Variants in MIB1 observed in about 807,000 individuals in gnomAD.
MIB1 encodes MIB E3 ubiquitin protein ligase 1.
Under a neutral mutation model 124.5 loss-of-function variants are expected in MIB1, and 278 were observed. That is an observed-to-expected ratio of 2.23 (90% CI 2.02 to 2.47). The LOEUF (loss-of-function observed/expected upper bound fraction) is 2.47, where lower values mean the gene tolerates loss of function less well. Among genes scored for constraint, MIB1 ranks in the 30% most tolerant of loss-of-function variants. The pLI is 0.00. For missense variants in MIB1, 957 were observed against 1,254.4 expected, an observed-to-expected ratio of 0.76 and a Z score of 3.58; for synonymous variants, 446 against 429.4, an observed-to-expected ratio of 1.04 and a Z score of -0.48.
In MIB1 at chr18:21,791,484, A is replaced by G. The variant is rs1306325334; in HGVS notation, c.1019A>G (p.Gln340Arg). The G allele has an allele frequency of 3.1e-6, 5 of 1,614,008 alleles. No individual in the cohort carries two copies. The highest frequency in any genetic ancestry group is 2.7e-5 in the African/African-American group (2 of 74,920). ...TSQFQVGDLV[Q>R]VCYDLERIKL... ...CAGTTTCAAGTGGGTGATCTTGTACAAGTTTGTTATGACCTGGAACGAATT... is the reference window on the plus strand; with the variant it reads ...CAGTTTCAAGTGGGTGATCTTGTACGAGTTTGTTATGACCTGGAACGAATT... Residue 340 changes from glutamine (Q) to arginine (R), a missense_variant, in exon 7 of 21, where the codon CAA (glutamine) becomes CGA (arginine). By Grantham distance (43) the Gln-to-Arg change is conservative (BLOSUM62 1). Transcript: ENST00000261537.
chr18:21,817,274 G>A (rs983414419), intron 11 of MIB1, among the ~76,000 whole-genome samples: 3 of 140,548 alleles, frequency 2.1e-5, no homozygotes, highest in Non-Finnish European at 3.0e-5. Context: ...TCAGCCTCCC[G>A]AGTAGCTGGG....
At chr18:21,837,216 G>C (rs2057998533) in intron 12 of MIB1, among the ~76,000 whole-genome samples, 1 of 152,134 alleles carries the variant, frequency 6.6e-6, no homozygotes, top group African/African-American at 2.4e-5. Flanking sequence ...TGTTTAAAAA[G>C]TCTAATAAAA....
intron 17 of MIB1, among the ~76,000 whole-genome samples, chr18:21,849,699 G>T (rs939546275): frequency 1.3e-5 from 2 of 152,014 alleles, no homozygotes; most frequent in Non-Finnish European, 2.9e-5. Context: ...GTATGGTAAA[G>T]TTAAAATTAT....
chr18:21,870,734 A>G lies in MIB1; in HGVS notation c.*6068A>G, dbSNP rs1206082576. The G allele has an allele frequency of 6.6e-6, 1 of 152,158 alleles. No individual in the cohort carries two copies. Among genetic ancestry groups the G allele is most frequent in the East Asian group, 1.9e-4 (1 of 5,204 alleles). The allele number at this position is 152,158 out of a possible 1,614,324, so 9.4% of individuals were successfully genotyped here. A position where few individuals can be genotyped will look rare whatever the true frequency, so the allele number is the denominator to read the frequency against. ...TCATCTAGCTCCAGTTCAAAAGATT[A>G]TGTATATCTGATGTTTAAGAGGAAA... On this transcript the variant is annotated 3_prime_UTR_variant, in exon 21 of 21. Coordinates refer to ENST00000261537, the MANE Select transcript of MIB1 (RefSeq NM_020774.4).
At chr18:21,845,346 A>T (rs1014694340) in intron 15 of MIB1, among the ~76,000 whole-genome samples, 1 of 151,994 alleles carries the variant, frequency 6.6e-6, no homozygotes, top group Admixed American at 6.6e-5. Context: ...GAAGAGTCAA[A>T]TTTTTTAATT....
intron 8 of MIB1, 83 bp from the exon 9 acceptor site, chr18:21,799,758 T>C (rs1568206980): frequency 1.6e-6 from 2 of 1,281,750 alleles, no homozygotes; most frequent in South Asian, 1.8e-5. Flanking sequence ...GAAAAGATTA[T>C]AGAAATATTG....
chr18:21,803,811 C>G, intron 9 of MIB1, 96 bp from the exon 10 acceptor site: 1 of 793,084 alleles, frequency 1.3e-6, no homozygotes, highest in Non-Finnish European at 2.0e-6. Flanking sequence ...CTCGTGGAAT[C>G]ATACAGTATA....
intron 1 of MIB1, among the ~76,000 whole-genome samples, chr18:21,706,067 A>C (rs188914639): frequency 2.3e-4 from 35 of 151,932 alleles, no homozygotes; most frequent in Admixed American, 2.3e-3. Flanking sequence ...TTTCAGTTTA[A>C]GTTTGTTCTG....
chr18:21,770,998 A>G (rs1444577010), intron 3 of MIB1, among the ~76,000 whole-genome samples: 2 of 152,198 alleles, frequency 1.3e-5, no homozygotes, highest in African/African-American at 2.4e-5. Context: ...TTTGGCAAAC[A>G]TACCTCATAT....
At chr18:21,836,526 A>G (rs948771005) in intron 12 of MIB1, among the ~76,000 whole-genome samples, 1 of 152,156 alleles carries the variant, frequency 6.6e-6, no homozygotes, top group African/African-American at 2.4e-5. Context: ...CTTGGAACTT[A>G]TCCTGTAATT....
intron 7 of MIB1, 120 bp from the exon 8 acceptor site, chr18:21,797,964 C>G: frequency 1.1e-6 from 1 of 890,846 alleles, no homozygotes. Context: ...TATGGTTATC[C>G]TTTGAAAGTT....
chr18:21,778,050 T>C (rs2041311920), intron 4 of MIB1, 53 bp from the exon 5 acceptor site: 9 of 1,211,472 alleles, frequency 7.4e-6, no homozygotes, highest in Non-Finnish European at 1.1e-5. Context: ...TTTCAGATAC[T>C]GAGCCATATT....
At chr18:21,730,325 G>A (rs372097439) in intron 1 of MIB1, among the ~76,000 whole-genome samples, 7 of 152,194 alleles carry the variant, frequency 4.6e-5, no homozygotes, top group Non-Finnish European at 7.3e-5. Context: ...CCAGCACTTC[G>A]GGAGGCCGAG....
intron 12 of MIB1, among the ~76,000 whole-genome samples, chr18:21,824,457 T>C (rs2041906989): frequency 6.6e-6 from 1 of 152,200 alleles, no homozygotes; most frequent in African/African-American, 2.4e-5. Flanking sequence ...TCCTTACAAC[T>C]GTAAACATGC....
intron 1 of MIB1, among the ~76,000 whole-genome samples, chr18:21,756,817 A>G (rs1324250050): frequency 3.9e-5 from 6 of 152,196 alleles, no homozygotes; most frequent in African/African-American, 1.4e-4. Context: ...TTTGACTCCT[A>G]TGTAAAAAAA....
At chr18:21,776,810 C>T (rs1568196714) in intron 4 of MIB1, among the ~76,000 whole-genome samples, 2 of 151,862 alleles carry the variant, frequency 1.3e-5, no homozygotes, top group South Asian at 4.2e-4. Flanking sequence ...ATGGTGAAAC[C>T]TCGTAAAAAT....
At chr18:21,823,918 G>T (rs1009947812) in intron 12 of MIB1, among the ~76,000 whole-genome samples, 3 of 152,122 alleles carry the variant, frequency 2.0e-5, no homozygotes, top group Non-Finnish European at 4.4e-5. Context: ...TATTTCTGCT[G>T]ATAAAAGTGA....
chr18:21,798,279 C>A, intron 8 of MIB1, 51 bp downstream of exon 8: 1 of 1,564,826 alleles, frequency 6.4e-7, no homozygotes, highest in Non-Finnish European at 8.8e-7. Context: ...ACATTAAAAC[C>A]TTTGCTAATT....
chr18:21,825,786 A>G (rs761903715), intron 12 of MIB1: 1 of 515,974 alleles, frequency 1.9e-6, no homozygotes, highest in South Asian at 1.5e-5. Context: ...AAAGCATTGT[A>G]GTGCTGCTAG....
Sources: gnomAD v4.1 joint callset for allele counts (sites outside exome capture counted in the v4.1 genomes callset) on GRCh38, gnomAD v4.1.1 for gene constraint, MANE v1.5 for transcripts, NCBI Gene and HGNC (gene_info 2026-07-23, HGNC 2026-07-21) for gene names.